The following CDYL2 variants were observed in gnomAD, a reference collection of about 807,000 sequenced individuals.
The protein encoded by CDYL2 is chromodomain Y-like protein 2.
CDYL2 carries 23 observed loss-of-function variants against 49.4 expected under a neutral mutation model. That is an observed-to-expected ratio of 0.47 (90% CI 0.34 to 0.66). The LOEUF is 0.66. Among genes scored for constraint, CDYL2 ranks in the 30% least tolerant of loss-of-function variants. The pLI, the probability that CDYL2 is intolerant of heterozygous loss-of-function variation, is 0.01. For missense variants in CDYL2, 678 were observed against 656.4 expected, an observed-to-expected ratio of 1.03 and a Z score of -0.36; for synonymous variants, 360 against 268.8, an observed-to-expected ratio of 1.34 and a Z score of -3.32.
intron 1 of CDYL2, among the ~76,000 whole-genome samples, chr16:80,707,574 G>T (rs560312812): frequency 1.3e-5 from 2 of 152,296 alleles, no homozygotes; most frequent in African/African-American, 4.8e-5. Flanking sequence ...GCTCCAGTTG[G>T]GAACAGAGCA....
At chr16:80,618,351 T>C (rs181643194) in intron 4 of CDYL2, among the ~76,000 whole-genome samples, 2 of 152,292 alleles carry the variant, frequency 1.3e-5, no homozygotes, top group Admixed American at 6.5e-5. Flanking sequence ...ATGAATTTGG[T>C]TCTCAAGAGT....
chr16:80,763,713 CT>C (rs903343455), intron 1 of CDYL2, among the ~76,000 whole-genome samples: 10 of 152,184 alleles, frequency 6.6e-5, no homozygotes, highest in Non-Finnish European at 1.5e-4. Context: ...TGACATTAAT[CT>C]TGGTTCAGTA....
chr16:80,753,177 C>A (rs554880289), intron 1 of CDYL2, among the ~76,000 whole-genome samples: 3 of 151,062 alleles, frequency 2.0e-5, no homozygotes, highest in African/African-American at 7.3e-5. Context: ...CAGAAACACA[C>A]ATAAATGGTC....
chr16:80,796,571 T>C (rs1380842910), intron 1 of CDYL2, among the ~76,000 whole-genome samples: 1 of 152,184 alleles, frequency 6.6e-6, no homozygotes, highest in Non-Finnish European at 1.5e-5. Flanking sequence ...ATGAAACACA[T>C]CTGTTATATG....
intron 1 of CDYL2, among the ~76,000 whole-genome samples, chr16:80,758,755 G>C (rs1212379349): frequency 6.6e-6 from 1 of 151,738 alleles, no homozygotes; most frequent in East Asian, 1.9e-4. Flanking sequence ...TGTTAGCCAG[G>C]ATGGTTTCAA....
At chr16:80,804,812 G>T (rs1416306613), upstream of CDYL2, among the ~76,000 whole-genome samples, 1 of 151,332 alleles carries the variant, frequency 6.6e-6, no homozygotes, top group African/African-American at 2.4e-5. Context: ...GGCCGCGAAG[G>T]GGCGGCCGGG....
intron 3 of CDYL2, among the ~76,000 whole-genome samples, chr16:80,623,930 C>A (rs1446934080): frequency 6.6e-6 from 1 of 152,148 alleles, no homozygotes; most frequent in Non-Finnish European, 1.5e-5. Flanking sequence ...ATCCTTCTCC[C>A]CTCCCAGACT....
At chr16:80,662,589 T>C (rs772981836) in intron 2 of CDYL2, among the ~76,000 whole-genome samples, 7 of 152,180 alleles carry the variant, frequency 4.6e-5, no homozygotes, top group Non-Finnish European at 7.3e-5. Context: ...GAACCAGACA[T>C]GGATCTGCCT....
chr16:80,723,265 T>C (rs1039323507), intron 1 of CDYL2, among the ~76,000 whole-genome samples: 5 of 152,246 alleles, frequency 3.3e-5, no homozygotes, highest in Non-Finnish European at 7.3e-5. Context: ...CACCTATGTA[T>C]GGCTCCTACA....
intron 3 of CDYL2, among the ~76,000 whole-genome samples, chr16:80,627,038 T>A (rs995571914): frequency 1.3e-5 from 2 of 152,032 alleles, no homozygotes; most frequent in African/African-American, 4.8e-5. Flanking sequence ...TGTTGGATGA[T>A]TTTTTTTAAT....
intron 1 of CDYL2, among the ~76,000 whole-genome samples, chr16:80,706,947 A>G (rs760353969): frequency 9.2e-5 from 14 of 152,148 alleles, no homozygotes; most frequent in Admixed American, 3.9e-4. Flanking sequence ...TGCCCATAAA[A>G]TAAAAGTCTT....
Position 80,612,084 on chromosome 16 carries a change from C to T in CDYL2, c.1218+542G>A, listed in dbSNP as rs1347393078. ...TGCGTCTCCCGGCCTCCCTTGCAGG[C>T]GCATGTGACCAGAAGCTGAGTCATG... On this transcript the variant is annotated intron_variant, in intron 5 of 6. Coordinates refer to ENST00000570137, the MANE Select transcript of CDYL2 (RefSeq NM_152342.4). This position sits in a 1 kb window ranked among gnomAD's most constrained non-coding sequence, Gnocchi z 5.0. 1.3e-5 allele frequency among the ~76,000 whole-genome samples: 2 copies of T among 152,220 alleles called. No homozygotes were observed. Among genetic ancestry groups the T allele is most frequent in the East Asian group, 1.9e-4 (1 of 5,188 alleles).
intron 1 of CDYL2, among the ~76,000 whole-genome samples, chr16:80,754,343 G>A (rs535273795): frequency 2.0e-5 from 3 of 152,136 alleles, no homozygotes; most frequent in Non-Finnish European, 4.4e-5. Flanking sequence ...TCTGGGGGCT[G>A]GGTGGACAAG....
intron 5 of CDYL2, among the ~76,000 whole-genome samples, chr16:80,611,404 A>G (rs10468364): frequency 0.33 from 50,529 of 151,992 alleles, 9,672 homozygotes; most frequent in African/African-American, 0.53. Flanking sequence ...TCAGAGCTGA[A>G]TTCAGAGTTT....
chr16:80,759,673 G>C (rs557084403), intron 1 of CDYL2, among the ~76,000 whole-genome samples: 21 of 152,152 alleles, frequency 1.4e-4, no homozygotes, highest in Non-Finnish European at 2.9e-4. Flanking sequence ...ATGATACCTG[G>C]AAGTAAATGT....
In CDYL2 at chr16:80,612,644, C is replaced by G; in HGVS notation, c.1200G>C (p.Gln400His). 1 of 1,609,558 alleles carries G rather than the reference C, an allele frequency of 6.2e-7. No individual in the cohort carries two copies. Among genetic ancestry groups the G allele is most frequent in the Non-Finnish European group, 8.5e-7 (1 of 1,178,166 alleles). ...GGCTTACCAGCGCGACGCCCAGGAT[C>G]TGGGGGAAGGTGTAGGAGGAGCAGC... ...PAGCSSYTFP[Q>H]ILGVALANEM... Residue 400 changes from glutamine to histidine, a missense_variant, in exon 5 of 7, where the codon CAG becomes CAC. Gln to His is a conservative substitution (Grantham distance 24). Around this residue, in one of 3 missense-constraint regions of CDYL2, gnomAD observed 153 missense variants for 150.6 expected, o/e 1.02. Transcript: ENST00000570137. This position sits in a 1 kb window ranked among gnomAD's most constrained non-coding sequence, Gnocchi z 5.0.
intron 1 of CDYL2, among the ~76,000 whole-genome samples, chr16:80,788,567 G>C (rs1907509015): frequency 6.6e-6 from 1 of 152,228 alleles, no homozygotes; most frequent in African/African-American, 2.4e-5. Flanking sequence ...GTGCAAGACA[G>C]TGCTATGATA....
At chr16:80,641,523 T>A (rs1354042150) in intron 2 of CDYL2, among the ~76,000 whole-genome samples, 1 of 151,764 alleles carries the variant, frequency 6.6e-6, no homozygotes, top group East Asian at 1.9e-4. Context: ...GAAAAGGATG[T>A]TAAGAAAATG....
chr16:80,638,473 G>A (rs1198998228), intron 2 of CDYL2, among the ~76,000 whole-genome samples: 1 of 152,130 alleles, frequency 6.6e-6, no homozygotes, highest in African/African-American at 2.4e-5. Flanking sequence ...GTAGATATTG[G>A]CAAACTGATT....
Sources: allele counts gnomAD v4.1 joint callset (sites outside exome capture counted in the v4.1 genomes callset), GRCh38; gene constraint gnomAD v4.1.1; regional missense constraint gnomAD v4.1.1; non-coding constraint Gnocchi (gnomAD v3.1); transcripts MANE v1.5; gene names NCBI Gene and HGNC (gene_info 2026-07-23, HGNC 2026-07-21).